The following MALRD1 variants were observed in gnomAD, a reference collection of about 807,000 sequenced individuals.
MALRD1 encodes MAM and LDL receptor class A domain containing 1.
In MALRD1, 247 loss-of-function variants were observed where a neutral mutation model predicts 242.1. The observed-to-expected ratio is 1.02, with a 90% CI of 0.92 to 1.13. The LOEUF is 1.13. MALRD1 is among the 50% of genes most tolerant of loss of function. The pLI is 0.00. For missense variants in MALRD1, 2,989 were observed against 2,533.1 expected (o/e 1.18, Z -3.86); for synonymous variants, 995 against 866.6 (o/e 1.15, Z -2.60).
intron 28 of MALRD1, among the ~76,000 whole-genome samples, chr10:19,397,970 TGTATA>T (rs1260927155): frequency 2.6e-5 from 4 of 152,182 alleles, no homozygotes; most frequent in Admixed American, 2.6e-4. Context: ...TTAAGACTCA[TGTATA>T]TTAAGGTCTT....
chr10:19,568,894 T>C (rs1450148950), intron 33 of MALRD1, among the ~76,000 whole-genome samples: 1 of 152,116 alleles, frequency 6.6e-6, no homozygotes, highest in Non-Finnish European at 1.5e-5. Context: ...GCTAAGCATT[T>C]TGCACATGTT....
intron 33 of MALRD1, among the ~76,000 whole-genome samples, chr10:19,576,380 T>G (rs1277783282): frequency 6.6e-6 from 1 of 152,236 alleles, no homozygotes; most frequent in Admixed American, 6.5e-5. Flanking sequence ...TAGCAATTCT[T>G]ATTCTCATTG....
chr10:19,209,137 TA>T, intron 17 of MALRD1, 130 bp from the exon 18 acceptor site: 1 of 793,144 alleles, frequency 1.3e-6, no homozygotes, highest in Non-Finnish European at 1.8e-6. Flanking sequence ...TGTTGGATTT[TA>T]AAAATAAAAT....
At chr10:19,171,884 A>G (rs1834988922) in intron 13 of MALRD1, among the ~76,000 whole-genome samples, 1 of 143,696 alleles carries the variant, frequency 7.0e-6, no homozygotes, top group Admixed American at 7.1e-5. Context: ...GTATATACGT[A>G]TATATATGAT....
chr10:19,143,019 C>T (rs1171346707), intron 10 of MALRD1, among the ~76,000 whole-genome samples: 2 of 152,236 alleles, frequency 1.3e-5, no homozygotes, highest in Non-Finnish European at 2.9e-5. Flanking sequence ...AAGGTTCTTA[C>T]AGAGGTGGTT....
At chr10:19,578,093 G>A (rs1259817231) in intron 33 of MALRD1, among the ~76,000 whole-genome samples, 1 of 152,144 alleles carries the variant, frequency 6.6e-6, no homozygotes, top group Non-Finnish European at 1.5e-5. Flanking sequence ...TGTTGCCTAA[G>A]AAATAGGAGA....
At chr10:19,562,300 GATA>G (rs1836006421) in intron 32 of MALRD1, among the ~76,000 whole-genome samples, 2 of 70,234 alleles carry the variant, frequency 2.8e-5, no homozygotes, top group African/African-American at 7.7e-5. Flanking sequence ...GTCTTAGGTA[GATA>G]GATAGATAGA....
intron 26 of MALRD1, among the ~76,000 whole-genome samples, chr10:19,386,327 G>A (rs1380502884): frequency 6.6e-6 from 1 of 152,030 alleles, no homozygotes; most frequent in Non-Finnish European, 1.5e-5. Flanking sequence ...TGCCTCCAGA[G>A]GTTCATGTGG....
At chr10:19,558,059 T>A (rs1158613856) in intron 32 of MALRD1, among the ~76,000 whole-genome samples, 1 of 152,090 alleles carries the variant, frequency 6.6e-6, no homozygotes, top group Admixed American at 6.6e-5. Flanking sequence ...TGTTCATTCC[T>A]GCTATATAAA....
chr10:19,503,669 G>A (rs1269932502), intron 31 of MALRD1, among the ~76,000 whole-genome samples: 1 of 151,876 alleles, frequency 6.6e-6, no homozygotes, highest in Non-Finnish European at 1.5e-5. Context: ...TGATATAATC[G>A]GCCATCTCCA....
chr10:19,293,475 C>T (rs1841545557), intron 21 of MALRD1, among the ~76,000 whole-genome samples: 1 of 152,118 alleles, frequency 6.6e-6, no homozygotes, highest in Non-Finnish European at 1.5e-5. Flanking sequence ...TTTGCATTTT[C>T]ATATATATCA....
At chr10:19,129,708 A>G (rs1837392412) in intron 8 of MALRD1, among the ~76,000 whole-genome samples, 1 of 149,836 alleles carries the variant, frequency 6.7e-6, no homozygotes. Flanking sequence ...GGAGATGAAT[A>G]AATATATTCA....
chr10:19,151,595 G>T (rs1411216348), intron 11 of MALRD1, among the ~76,000 whole-genome samples: 1 of 152,108 alleles, frequency 6.6e-6, no homozygotes, highest in Admixed American at 6.6e-5. Context: ...TGCTAGACTT[G>T]TCTTATTTCT....
At chr10:19,186,697 G>A (rs1025996676) in intron 14 of MALRD1, among the ~76,000 whole-genome samples, 1 of 152,052 alleles carries the variant, frequency 6.6e-6, no homozygotes, top group African/African-American at 2.4e-5. Context: ...CTTTGAGCTC[G>A]ACTGGGATAT....
At chr10:19,324,911 T>C (rs1843051576) in intron 22 of MALRD1, among the ~76,000 whole-genome samples, 2 of 151,466 alleles carry the variant, frequency 1.3e-5, no homozygotes, top group South Asian at 4.2e-4. Flanking sequence ...TTTTTTTTTG[T>C]TATCAATAAA....
intron 28 of MALRD1, among the ~76,000 whole-genome samples, chr10:19,408,345 G>C (rs976224310): frequency 6.6e-6 from 1 of 152,060 alleles, no homozygotes; most frequent in Non-Finnish European, 1.5e-5. Context: ...TTGGAAAATT[G>C]GGCCAGTTTC....
At chr10:19,415,589 T>G (rs138335817) in intron 28 of MALRD1, among the ~76,000 whole-genome samples, 5 of 152,182 alleles carry the variant, frequency 3.3e-5, no homozygotes, top group Non-Finnish European at 5.9e-5. Context: ...ATAAGATATA[T>G]TCAAATTATC....
intron 12 of MALRD1, among the ~76,000 whole-genome samples, chr10:19,155,771 A>G (rs908245605): frequency 1.3e-5 from 2 of 152,192 alleles, no homozygotes; most frequent in Non-Finnish European, 2.9e-5. Context: ...AAATGTCAGC[A>G]TTTACATTGG....
chr10:19,057,955 A>G (rs1463870595), intron 1 of MALRD1, among the ~76,000 whole-genome samples: 6 of 152,234 alleles, frequency 3.9e-5, no homozygotes, highest in African/African-American at 1.4e-4. Flanking sequence ...TAATATATTT[A>G]ACAAATAAAG....
Sources: allele counts gnomAD v4.1 joint callset (sites outside exome capture counted in the v4.1 genomes callset), GRCh38; gene constraint gnomAD v4.1.1; transcripts MANE v1.5; gene names NCBI Gene and HGNC (gene_info 2026-07-23, HGNC 2026-07-21).